FRMD4B: variants seen among roughly 807,000 people sequenced by gnomAD.
The protein encoded by FRMD4B is FERM domain containing 4B.
Under a neutral mutation model 141.5 loss-of-function variants are expected in FRMD4B, and 74 were observed. That is an observed-to-expected ratio of 0.52 (90% confidence interval 0.43 to 0.63). The LOEUF is 0.63. Among genes scored for constraint, FRMD4B ranks in the 30% least tolerant of loss-of-function variants. The pLI is 0.00. For synonymous variants in FRMD4B, 506 were observed against 467.9 expected (o/e 1.08, Z -1.05); for missense variants, 1,366 against 1,253.4 (o/e 1.09, Z -1.36).
chr3:69,541,861 C>T (rs1232455198), intron 1 of FRMD4B, among the ~76,000 whole-genome samples: 1 of 151,206 alleles, frequency 6.6e-6, no homozygotes, highest in Non-Finnish European at 1.5e-5. Flanking sequence ...GCTTTTCTCC[C>T]GACCTCCCAC....
chr3:69,257,815 C>A (rs1187628369), intron 5 of FRMD4B, among the ~76,000 whole-genome samples: 1 of 151,776 alleles, frequency 6.6e-6, no homozygotes, highest in Non-Finnish European at 1.5e-5. Flanking sequence ...GTGTGTATCA[C>A]CATGCCTGGC....
intron 1 of FRMD4B, among the ~76,000 whole-genome samples, chr3:69,320,182 AC>A (rs1281890184): frequency 6.6e-6 from 1 of 152,226 alleles, no homozygotes; most frequent in African/African-American, 2.4e-5. Context: ...TGTAATAAAT[AC>A]CATATTATTC....
At chr3:69,260,333 C>T (rs367665225) in intron 5 of FRMD4B, among the ~76,000 whole-genome samples, 1 of 152,198 alleles carries the variant, frequency 6.6e-6, no homozygotes, top group Non-Finnish European at 1.5e-5. Flanking sequence ...GCACGAGTTC[C>T]GGGTGGGCGT....
intron 11 of FRMD4B, among the ~76,000 whole-genome samples, chr3:69,211,917 T>G (rs2093084210): frequency 6.6e-6 from 1 of 151,996 alleles, no homozygotes; most frequent in African/African-American, 2.4e-5. Context: ...TAAAACAGCC[T>G]CAATCCTTAC....
chr3:69,196,511 CAT>C (rs1307893588), intron 13 of FRMD4B, 115 bp from the exon 14 acceptor site: 3 of 820,548 alleles, frequency 3.7e-6, no homozygotes, highest in Middle Eastern at 2.6e-4. Context: ...AGAATTTTCA[CAT>C]ATTCAAGTGG....
intron 10 of FRMD4B, among the ~76,000 whole-genome samples, chr3:69,217,936 G>A (rs1403651715): frequency 6.6e-6 from 1 of 152,090 alleles, no homozygotes; most frequent in African/African-American, 2.4e-5. Flanking sequence ...TACAGTGTAT[G>A]TAATACACTG....
intron 11 of FRMD4B, among the ~76,000 whole-genome samples, chr3:69,210,854 A>T (rs1039641640): frequency 7.2e-5 from 11 of 152,018 alleles, no homozygotes; most frequent in African/African-American, 2.4e-4. Context: ...TCTCTGCTAA[A>T]AATACAAAAT....
chr3:69,237,923 G>C (rs1283635071), intron 7 of FRMD4B, among the ~76,000 whole-genome samples: 1 of 152,136 alleles, frequency 6.6e-6, no homozygotes, highest in Non-Finnish European at 1.5e-5. Flanking sequence ...CTAGAGACAG[G>C]GTTTCACCAT....
At chr3:69,341,883 G>A (rs1702750691) in intron 1 of FRMD4B, among the ~76,000 whole-genome samples, 1 of 152,182 alleles carries the variant, frequency 6.6e-6, no homozygotes, top group Non-Finnish European at 1.5e-5. Flanking sequence ...GCCTCACACT[G>A]TGAAAAATAA....
intron 7 of FRMD4B, among the ~76,000 whole-genome samples, chr3:69,231,244 G>A (rs1459256536): frequency 1.3e-5 from 2 of 152,100 alleles, no homozygotes; most frequent in African/African-American, 2.4e-5. Flanking sequence ...GAGGCTTCTG[G>A]GGTCCTGGCA....
chr3:69,503,868 C>T (rs954063959), intron 1 of FRMD4B, among the ~76,000 whole-genome samples: 3 of 152,154 alleles, frequency 2.0e-5, no homozygotes, highest in Non-Finnish European at 2.9e-5. Flanking sequence ...CTGTCCTCAT[C>T]TGTAAAATGA....
intron 1 of FRMD4B, among the ~76,000 whole-genome samples, chr3:69,481,697 A>T (rs1559541235): frequency 6.6e-6 from 1 of 152,116 alleles, no homozygotes; most frequent in African/African-American, 2.4e-5. Context: ...GCAACTCTCA[A>T]GCTTCACCTT....
At chr3:69,399,747 G>A (rs575964150) in intron 2 of FRMD4B, among the ~76,000 whole-genome samples, 1 of 152,264 alleles carries the variant, frequency 6.6e-6, no homozygotes, top group African/African-American at 2.4e-5. Context: ...ATCCCTCAAA[G>A]CAGGTGAGTG....
At position 69,529,134 on chromosome 3, in the gene FRMD4B, T is replaced by C. The variant is rs1356519415; in HGVS notation, c.-129+13072A>G. ...CCAGCAACACCAGCAGCGTCTGCTATAGTAATCAACACAGAACCCATGAGC... is the reference window on the plus strand; with the variant it reads ...CCAGCAACACCAGCAGCGTCTGCTACAGTAATCAACACAGAACCCATGAGC... On this transcript the variant is annotated intron_variant, in intron 1 of 5. Coordinates refer to the FRMD4B transcript ENST00000459638. Among the ~76,000 whole-genome samples, 4 of 152,160 alleles carry C rather than the reference T, an allele frequency of 2.6e-5. No homozygotes were observed. In the South Asian group the frequency reaches 6.2e-4, roughly 24 times the overall value.
At chr3:69,281,635 C>T (rs960446775) in intron 5 of FRMD4B, among the ~76,000 whole-genome samples, 3 of 151,776 alleles carry the variant, frequency 2.0e-5, no homozygotes, top group African/African-American at 4.8e-5. Flanking sequence ...ACCAGCCTGA[C>T]CAACATGGTG....
chr3:69,429,721 C>T (rs1705145244), intron 2 of FRMD4B, among the ~76,000 whole-genome samples: 1 of 150,910 alleles, frequency 6.6e-6, no homozygotes, highest in Non-Finnish European at 1.5e-5. Flanking sequence ...CATCAGAATC[C>T]TCCTCTGGTC....
chr3:69,454,271 T>G (rs1023595468), intron 1 of FRMD4B, among the ~76,000 whole-genome samples: 3 of 152,162 alleles, frequency 2.0e-5, no homozygotes, highest in African/African-American at 7.2e-5. Flanking sequence ...CGTTGGGAGG[T>G]GACAGCGTGC....
chr3:69,483,247 AAC>A lies in FRMD4B; in HGVS notation c.-128-50488_-128-50487del, dbSNP rs1195735412. ...TCCCAACCCATGTCAGTGTGAGAAT[AAC>A]AGTCAAATATTTTAGGTGAGAAGAG... On this transcript the variant is annotated intron_variant, in intron 1 of 5. Coordinates refer to the FRMD4B transcript ENST00000459638. 2.0e-5 allele frequency among the ~76,000 whole-genome samples: 3 copies of A among 152,356 alleles called. No individual in the cohort carries two copies. In the East Asian group the frequency reaches 5.8e-4, roughly 29 times the overall value.
upstream of FRMD4B, among the ~76,000 whole-genome samples, chr3:69,390,567 G>A (rs1044900680): frequency 6.6e-6 from 1 of 152,124 alleles, no homozygotes; most frequent in Non-Finnish European, 1.5e-5. Context: ...AATGTCCCTG[G>A]TGCAGAGGTC....
Sources: gnomAD v4.1 joint callset for allele counts (sites outside exome capture counted in the v4.1 genomes callset) on GRCh38, gnomAD v4.1.1 for gene constraint, MANE v1.5 for transcripts, NCBI Gene and HGNC (gene_info 2026-07-23, HGNC 2026-07-21) for gene names.